The following ARHGAP42 variants were observed in gnomAD, a reference collection of about 807,000 sequenced individuals.
The protein encoded by ARHGAP42 is Rho GTPase activating protein 42, also known as rho GTPase-activating protein 42.
Under a neutral mutation model 125.0 loss-of-function variants are expected in ARHGAP42, and 63 were observed. That is an observed-to-expected ratio of 0.50 (90% CI 0.41 to 0.62). ARHGAP42 has a LOEUF of 0.62. Among genes scored for constraint, ARHGAP42 ranks in the 20% least tolerant of loss-of-function variants. The pLI, the probability that ARHGAP42 is intolerant of heterozygous loss-of-function variation, is 0.00. For synonymous variants in ARHGAP42, 339 were observed against 351.0 expected, an observed-to-expected ratio of 0.97 and a Z score of 0.38; for missense variants, 766 against 1,024.2, an observed-to-expected ratio of 0.75 and a Z score of 3.44.
intron 3 of ARHGAP42, among the ~76,000 whole-genome samples, chr11:100,836,730 CTT>C (rs200596327): frequency 1.1e-4 from 14 of 123,214 alleles, no homozygotes; most frequent in Admixed American, 1.7e-4. Flanking sequence ...TTGTTGTTTT[CTT>C]TTTTTTTTTT....
chr11:100,787,835 G>C (rs1489326636), intron 2 of ARHGAP42, among the ~76,000 whole-genome samples: 2 of 152,150 alleles, frequency 1.3e-5, no homozygotes, highest in African/African-American at 4.8e-5. Context: ...ATCCCTCAAT[G>C]GTAAGCCAAT....
intron 4 of ARHGAP42, among the ~76,000 whole-genome samples, chr11:100,863,623 G>A (rs1395306284): frequency 2.0e-5 from 3 of 152,184 alleles, no homozygotes; most frequent in Admixed American, 6.5e-5. Context: ...TAGTAATGGG[G>A]TTGTTGAACT....
intron 3 of ARHGAP42, among the ~76,000 whole-genome samples, chr11:100,827,002 CTTTTTTTTTTTT>C (rs869260353): frequency 3.7e-5 from 3 of 80,886 alleles, no homozygotes; most frequent in Admixed American, 3.4e-4. Flanking sequence ...GCCTTACATC[CTTTTTTTTTTTT>C]TTTTTTTTTT....
At chr11:100,713,198 G>C (rs1861594375) in intron 1 of ARHGAP42, among the ~76,000 whole-genome samples, 1 of 152,188 alleles carries the variant, frequency 6.6e-6, no homozygotes, top group African/African-American at 2.4e-5. Context: ...CCTATAGTGA[G>C]TTTAATATCT....
rs758963808 is a variant in ARHGAP42 at position 100,991,607 on chromosome 11, T to A, written c.*2806T>A. Reference sequence around the variant, plus strand: ...GTGTGTTTCACAGATGACTCTCTTGTTTTGCCGTAATGCTACCAAGTTTAT... The same window carrying A: ...GTGTGTTTCACAGATGACTCTCTTGATTTGCCGTAATGCTACCAAGTTTAT... On this transcript the variant is annotated 3_prime_UTR_variant, in exon 24 of 24. Coordinates refer to ENST00000298815, the MANE Select transcript of ARHGAP42 (RefSeq NM_152432.4). 1.3e-5 allele frequency: 2 copies of A among 152,184 alleles called. No homozygotes were observed. Among genetic ancestry groups the A allele is most frequent in the Non-Finnish European group, 2.9e-5 (2 of 68,016 alleles). The allele number at this position is 152,184 out of a possible 1,614,324, so 9.4% of individuals were successfully genotyped here.
At chr11:100,850,354 A>G (rs1865173916) in intron 3 of ARHGAP42, among the ~76,000 whole-genome samples, 1 of 152,186 alleles carries the variant, frequency 6.6e-6, no homozygotes, top group Admixed American at 6.5e-5. Flanking sequence ...GGTGATTGTA[A>G]CACAATGGTA....
intron 1 of ARHGAP42, among the ~76,000 whole-genome samples, chr11:100,736,982 T>C (rs1193138168): frequency 6.6e-6 from 1 of 152,118 alleles, no homozygotes; most frequent in Non-Finnish European, 1.5e-5. Context: ...GGGCATCCTA[T>C]AGGACAGTGG....
Position 100,921,233 on chromosome 11 carries a change from ATATATATATATATTTTTTTTTTT to A in ARHGAP42, c.487-259_487-237del, listed in dbSNP as rs1258845567. 1.9e-3 allele frequency among the ~76,000 whole-genome samples: 72 copies of A among 38,438 alleles called. No individual in the cohort carries two copies. In the South Asian group the frequency reaches 0.034, roughly 18 times the overall value. The allele number at this position is 38,438 out of a possible 152,430, so 25.2% of individuals were successfully genotyped here. A position where few individuals can be genotyped will look rare whatever the true frequency, so the allele number is the denominator to read the frequency against. ...TATATACATATATATATATATATATATATATATATATATTTTTTTTTTTTTTTTTTTTTTTTTTTTACTGCAAT... is the reference window on the plus strand; with the variant it reads ...TATATACATATATATATATATATATATTTTTTTTTTTTTTTTTACTGCAAT... On this transcript the variant is annotated intron_variant, in intron 5 of 23. Coordinates refer to ENST00000298815, the MANE Select transcript of ARHGAP42 (RefSeq NM_152432.4).
chr11:100,727,187 A>C (rs1861877001), intron 1 of ARHGAP42, among the ~76,000 whole-genome samples: 2 of 152,328 alleles, frequency 1.3e-5, no homozygotes, highest in Middle Eastern at 3.4e-3. Context: ...GCAAACTTGG[A>C]AAACCATCAT....
chr11:100,757,583 T>G lies in ARHGAP42; in HGVS notation c.155-12760T>G, dbSNP rs184040793. Among the ~76,000 whole-genome samples, 243 of 152,298 alleles carry G rather than the reference T, an allele frequency of 1.6e-3. 1 individual carries two copies. Among genetic ancestry groups the G allele is most frequent in the Admixed American group, 3.7e-3 (57 of 15,290 alleles). ...GTTCACCAAAAATCATCATCTCTAT[T>G]GTGATACCTTAAAAATGGGGTGGCT... On this transcript the variant is annotated intron_variant, in intron 1 of 23. Coordinates refer to ENST00000298815, the MANE Select transcript of ARHGAP42 (RefSeq NM_152432.4).
chr11:100,878,982 A>ATTT (rs5794075), intron 4 of ARHGAP42, among the ~76,000 whole-genome samples: 25 of 147,716 alleles, frequency 1.7e-4, no homozygotes, highest in African/African-American at 5.7e-4. Flanking sequence ...GACATGAACA[A>ATTT]TTTTTTTTTT....
At chr11:100,870,322 C>T (rs894820495) in intron 4 of ARHGAP42, among the ~76,000 whole-genome samples, 3 of 152,164 alleles carry the variant, frequency 2.0e-5, no homozygotes, top group Admixed American at 1.3e-4. Flanking sequence ...CACAATTTCC[C>T]TGTGAACTTT....
intron 1 of ARHGAP42, among the ~76,000 whole-genome samples, chr11:100,707,634 C>G (rs1402824651): frequency 6.6e-6 from 1 of 152,098 alleles, no homozygotes; most frequent in Non-Finnish European, 1.5e-5. Flanking sequence ...CAGTGTTGAG[C>G]AAGGACGAAA....
At chr11:100,937,361 A>T (rs181597612) in intron 8 of ARHGAP42, among the ~76,000 whole-genome samples, 1 of 152,228 alleles carries the variant, frequency 6.6e-6, no homozygotes, top group Non-Finnish European at 1.5e-5. Flanking sequence ...AAAAATTACC[A>T]ATCCCTTGGC....
chr11:100,856,024 T>G (rs1251732253), intron 3 of ARHGAP42, among the ~76,000 whole-genome samples: 1 of 152,058 alleles, frequency 6.6e-6, no homozygotes, highest in East Asian at 1.9e-4. Flanking sequence ...TAAAGCATCT[T>G]AGTAAAGTCA....
In ARHGAP42 at chr11:100,991,968, A is replaced by G; in HGVS notation, c.*3167A>G. 4.4e-6 allele frequency: 1 copy of G among 225,260 alleles called. No individual in the cohort carries two copies. The highest frequency in any genetic ancestry group is 1.5e-4 in the South Asian group (1 of 6,514). 14.0% of individuals were successfully genotyped at this position (225,260 alleles called of 1,614,324 possible). A position where few individuals can be genotyped will look rare whatever the true frequency, so the allele number is the denominator to read the frequency against. On this transcript the variant is annotated 3_prime_UTR_variant, in exon 24 of 24. Coordinates refer to ENST00000298815, the MANE Select transcript of ARHGAP42 (RefSeq NM_152432.4). ...ATTCGATGATAATTAGCTTTATATAATGTGGCATCCTTCATAAAAATTCAC... is the reference window on the plus strand; with the variant it reads ...ATTCGATGATAATTAGCTTTATATAGTGTGGCATCCTTCATAAAAATTCAC...
At chr11:100,936,820 A>G (rs1372612519) in intron 8 of ARHGAP42, among the ~76,000 whole-genome samples, 1 of 152,184 alleles carries the variant, frequency 6.6e-6, no homozygotes, top group Non-Finnish European at 1.5e-5. Context: ...ATAGAGCACT[A>G]TTATAATTGC....
At chr11:100,807,195 CT>C (rs112552443) in intron 3 of ARHGAP42, among the ~76,000 whole-genome samples, 278 of 134,244 alleles carry the variant, frequency 2.1e-3, no homozygotes, top group Non-Finnish European at 3.3e-3. Context: ...TATACATTTT[CT>C]TTTTTTTTTT....
intron 17 of ARHGAP42, among the ~76,000 whole-genome samples, chr11:100,968,328 A>G (rs1858151768): frequency 6.6e-6 from 1 of 151,646 alleles, no homozygotes; most frequent in African/African-American, 2.4e-5. Flanking sequence ...TATATCTACC[A>G]TTTTTCTTTT....
Sources: allele counts gnomAD v4.1 joint callset (sites outside exome capture counted in the v4.1 genomes callset), GRCh38; gene constraint gnomAD v4.1.1; transcripts MANE v1.5; gene names NCBI Gene and HGNC (gene_info 2026-07-23, HGNC 2026-07-21).